MRC2: variants seen among roughly 807,000 people sequenced by gnomAD.
MRC2 encodes the protein C-type mannose receptor 2.
Under a neutral mutation model 206.2 loss-of-function variants are expected in MRC2, and 84 were observed. That is an observed-to-expected ratio of 0.41 (90% CI 0.34 to 0.49). The LOEUF (loss-of-function observed/expected upper bound fraction) is 0.49. Among genes scored for constraint, MRC2 ranks in the 20% least tolerant of loss-of-function variants. The probability of loss-of-function intolerance (pLI) is 0.31; values close to 1 mark genes in which losing one functional copy is unlikely to be tolerated. For missense variants in MRC2, 1,676 were observed against 2,001.5 expected (o/e 0.84, Z 3.10); for synonymous variants, 798 against 800.0 (o/e 1.00, Z 0.04).
At position 62,672,636 on chromosome 17, in the gene MRC2, G is replaced by A. The variant is rs1166010273; in HGVS notation, c.1461+484G>A. ...GACAATTTGCCATGGTTTGGGCTTAGATGTGGTGTAAGTGAAGGAATTGAT... is the reference window on the plus strand; with the variant it reads ...GACAATTTGCCATGGTTTGGGCTTAAATGTGGTGTAAGTGAAGGAATTGAT... On this transcript the variant is annotated intron_variant, in intron 8 of 29. Coordinates refer to ENST00000303375, the MANE Select transcript of MRC2 (RefSeq NM_006039.5). This position sits in a 1 kb window ranked among gnomAD's most constrained non-coding sequence, Gnocchi z 4.5. Among the ~76,000 whole-genome samples, 5 of 152,144 alleles carry A rather than the reference G, an allele frequency of 3.3e-5. No homozygotes were observed. Among genetic ancestry groups the A allele is most frequent in the Non-Finnish European group, 1.5e-5 (1 of 68,030 alleles).
chr17:62,688,759 C>T (rs2089063701), intron 22 of MRC2, 93 bp from the exon 23 acceptor site: 16 of 1,588,816 alleles, frequency 1.0e-5, no homozygotes, highest in Non-Finnish European at 1.4e-5. Context: ...GGTCTCCCTT[C>T]TTCCAGCCTC....
intron 1 of MRC2, among the ~76,000 whole-genome samples, chr17:62,658,168 C>T (rs968741126): frequency 1.3e-5 from 2 of 152,212 alleles, no homozygotes; most frequent in Admixed American, 1.3e-4. Flanking sequence ...CGGAGTCTCT[C>T]GGCCCTTGGG....
rs2088721291 is a variant in MRC2, at chr17:62,664,478, G to A, written c.119-70G>A. ...CTGGGCACATGGTAGGTGCCTGTCA[G>A]CCACACCGGTCATCAAGGGCCAACC... On this transcript the variant is annotated intron_variant, in intron 1 of 29. Coordinates refer to ENST00000303375, the MANE Select transcript of MRC2 (RefSeq NM_006039.5). The surrounding 1 kb of genome is among the most constrained non-coding windows in gnomAD (Gnocchi z 4.7). 1 of 1,518,100 alleles carries A rather than the reference G, an allele frequency of 6.6e-7. No individual in the cohort carries two copies. Among genetic ancestry groups the A allele is most frequent in the Non-Finnish European group, 8.9e-7 (1 of 1,126,004 alleles). 94.0% of individuals were successfully genotyped at this position (1,518,100 alleles called of 1,614,324 possible). A position where few individuals can be genotyped will look rare whatever the true frequency, so the allele number is the denominator to read the frequency against.
chr17:62,630,832 A>G (rs1012702875), intron 1 of MRC2, among the ~76,000 whole-genome samples: 1 of 152,060 alleles, frequency 6.6e-6, no homozygotes, highest in Admixed American at 6.5e-5. Flanking sequence ...CCAGCTCCCT[A>G]CACTTCTGGC....
intron 1 of MRC2, among the ~76,000 whole-genome samples, chr17:62,662,638 G>A (rs190996400): frequency 6.6e-5 from 10 of 152,274 alleles, no homozygotes; most frequent in Admixed American, 3.9e-4. Flanking sequence ...TGCCGGGCAC[G>A]GTGGCTCATG....
chr17:62,691,137 C>G lies in MRC2; in HGVS notation c.4192+9C>G. ...CTGCAAGCTTCCTCGTGGTGAGCGC[C>G]GGGCAGGCCCACGCTCAGCCTCCTT... is the stretch of plus-strand genomic sequence containing the variant. On this transcript the variant is annotated intron_variant, in intron 28 of 29. Coordinates refer to ENST00000303375, the MANE Select transcript of MRC2 (RefSeq NM_006039.5). 1 of 1,593,368 alleles carries G rather than the reference C, an allele frequency of 6.3e-7. No individual in the cohort carries two copies. Among genetic ancestry groups the G allele is most frequent in the South Asian group, 1.1e-5 (1 of 87,902 alleles).
At chr17:62,646,578 C>T (rs951970812) in intron 1 of MRC2, among the ~76,000 whole-genome samples, 3 of 152,234 alleles carry the variant, frequency 2.0e-5, no homozygotes, top group African/African-American at 4.8e-5. Flanking sequence ...GCTTGACCTA[C>T]GTCAACTTCA....
intron 1 of MRC2, among the ~76,000 whole-genome samples, chr17:62,641,416 AGAACGACTC>A (rs1489734387): frequency 6.6e-6 from 1 of 152,030 alleles, no homozygotes; most frequent in Non-Finnish European, 1.5e-5. Flanking sequence ...GACAGTGGGG[AGAACGACTC>A]CCAGACAAAC....
intron 1 of MRC2, among the ~76,000 whole-genome samples, chr17:62,636,970 C>T (rs115615813): frequency 0.014 from 2,203 of 152,248 alleles, 50 homozygotes; most frequent in African/African-American, 0.05. Context: ...TCCACAGTTT[C>T]CTCCCTTAGG....
chr17:62,655,520 C>T (rs2088607757), intron 1 of MRC2, among the ~76,000 whole-genome samples: 2 of 152,012 alleles, frequency 1.3e-5, no homozygotes, highest in East Asian at 3.9e-4. Context: ...CCAGCCTGGG[C>T]AACAGAGCGA....
intron 26 of MRC2, among the ~76,000 whole-genome samples, 162 bp from the exon 27 acceptor site, chr17:62,690,480 G>GC (rs139502298): frequency 1.6e-4 from 24 of 152,130 alleles, no homozygotes; most frequent in Admixed American, 2.6e-4. Context: ...TGCATATGCT[G>GC]CCCCCCCACA....
intron 1 of MRC2, among the ~76,000 whole-genome samples, chr17:62,649,448 A>G (rs564988779): frequency 6.6e-6 from 1 of 152,134 alleles, no homozygotes; most frequent in East Asian, 1.9e-4. Context: ...AAAATTAGCG[A>G]GGCATGGTGG....
At chr17:62,642,687 TC>T (rs1232929576) in intron 1 of MRC2, among the ~76,000 whole-genome samples, 1 of 152,164 alleles carries the variant, frequency 6.6e-6, no homozygotes, top group Non-Finnish European at 1.5e-5. Flanking sequence ...GCTCAAGTGA[TC>T]CATGTGCCTC....
Position 62,666,860 on chromosome 17 carries a change from C to T in MRC2, c.963C>T (p.Asn321=). The T allele has an allele frequency of 1.2e-6, 2 of 1,613,630 alleles. No homozygotes were observed. Among genetic ancestry groups the T allele is most frequent in the African/African-American group, 2.7e-5 (2 of 74,992 alleles). ...WSDNSPLKYL[N]WESDQPDNPS... ...ACAACTCGCCCCTCAAGTACCTCAACTGGGAGAGTGGTGAGGCACAAGGTT... is the reference window on the plus strand; with the variant it reads ...ACAACTCGCCCCTCAAGTACCTCAATTGGGAGAGTGGTGAGGCACAAGGTT... The change falls in exon 5 of 30, where the codon AAC becomes AAT. Residue 321 remains asparagine, a synonymous_variant. Coordinates refer to ENST00000303375, the MANE Select transcript of MRC2 (RefSeq NM_006039.5). This position sits in a 1 kb window ranked among gnomAD's most constrained non-coding sequence, Gnocchi z 5.0.
At position 62,671,779 on chromosome 17, in the gene MRC2, C is replaced by T. The variant is rs963848826; in HGVS notation, c.1248C>T (p.Asp416=). 18 of 1,612,428 alleles carry T rather than the reference C, an allele frequency of 1.1e-5. No individual in the cohort carries two copies. The Admixed American group carries it at 2.5e-4, about 22-fold the overall frequency. ...AGGCATGTCTACGGGGCGGTGGCGA[C>T]CTGGTCAGCATCCACAGCATGGCGG... ...SKKACLRGGG[D]LVSIHSMAEL... The change falls in exon 7 of 30, where the codon GAC becomes GAT. Residue 416 remains aspartate, a synonymous_variant. Coordinates refer to ENST00000303375, the MANE Select transcript of MRC2 (RefSeq NM_006039.5). This position sits in a 1 kb window ranked among gnomAD's most constrained non-coding sequence, Gnocchi z 4.5.
At position 62,671,811 on chromosome 17, in the gene MRC2, A is replaced by T; in HGVS notation, c.1280A>T (p.Glu427Val). The T allele has an allele frequency of 6.2e-7, 1 of 1,605,160 alleles. No homozygotes were observed. ...LVSIHSMAEL[E>V]FITKQIKQEV... ...AGCATCCACAGCATGGCGGAGCTGGAATTCATCACCAAGCAGATCAAGCAA... is the reference window on the plus strand; with the variant it reads ...AGCATCCACAGCATGGCGGAGCTGGTATTCATCACCAAGCAGATCAAGCAA... The change falls in exon 7 of 30, where the codon GAA (glutamate) becomes GTA (valine). Residue 427 changes from glutamate to valine, a missense_variant. Coordinates refer to ENST00000303375, the MANE Select transcript of MRC2 (RefSeq NM_006039.5). This position sits in a 1 kb window ranked among gnomAD's most constrained non-coding sequence, Gnocchi z 4.5.
rs2084178752 is a variant in MRC2, at chr17:62,627,687, CGGA to C, written c.-109_-107del. ...CGGGAGGCATCACTTCGTCCCGACC[CGGA>C]GGAGGACGCGAGCCCCTTGCGGGCG... is the stretch of plus-strand genomic sequence containing the variant. On this transcript the variant is annotated 5_prime_UTR_variant, in exon 1 of 30. Transcript: ENST00000303375. 1.4e-6 allele frequency: 1 copy of C among 716,554 alleles called. No individual in the cohort carries two copies. The highest frequency in any genetic ancestry group is 1.9e-5 in the African/African-American group (1 of 53,710). The allele number at this position is 716,554 out of a possible 1,614,324, so 44.4% of individuals were successfully genotyped here.
At chr17:62,631,352 A>T (rs2084214605) in intron 1 of MRC2, among the ~76,000 whole-genome samples, 1 of 152,110 alleles carries the variant, frequency 6.6e-6, no homozygotes. Flanking sequence ...AGATTTGCAC[A>T]CACCTGGCGT....
At chr17:62,635,200 T>C (rs2088298756) in intron 1 of MRC2, among the ~76,000 whole-genome samples, 1 of 150,132 alleles carries the variant, frequency 6.7e-6, no homozygotes, top group South Asian at 2.1e-4. Context: ...TCTTTTTTTT[T>C]TTTTTTTTTT....
Sources: allele counts gnomAD v4.1 joint callset (sites outside exome capture counted in the v4.1 genomes callset), GRCh38; gene constraint gnomAD v4.1.1; non-coding constraint Gnocchi (gnomAD v3.1); transcripts MANE v1.5; gene names NCBI Gene and HGNC (gene_info 2026-07-23, HGNC 2026-07-21).